The following ANKS1B variants were observed in gnomAD, a reference collection of about 807,000 sequenced individuals.
ANKS1B encodes the protein ankyrin repeat and sterile alpha motif domain-containing protein 1B.
ANKS1B carries 36 observed loss-of-function variants against 148.3 expected under a neutral mutation model. That is an observed-to-expected ratio of 0.24 (90% confidence interval 0.19 to 0.32). The LOEUF (loss-of-function observed/expected upper bound fraction) is 0.32. Among genes scored for constraint, ANKS1B ranks in the 10% least tolerant of loss-of-function variants. The pLI is 1.00. For synonymous variants in ANKS1B, 542 were observed against 560.8 expected (o/e 0.97, Z 0.47); for missense variants, 1,157 against 1,542.6 (o/e 0.75, Z 4.19).
At chr12:99,513,668 C>T (rs973214298) in intron 9 of ANKS1B, among the ~76,000 whole-genome samples, 2 of 151,912 alleles carry the variant, frequency 1.3e-5, no homozygotes, top group African/African-American at 4.8e-5. Flanking sequence ...TCTGTCATTC[C>T]CAATAAATCC....
chr12:98,966,534 C>T (rs2153179282), intron 17 of ANKS1B, among the ~76,000 whole-genome samples: 1 of 152,234 alleles, frequency 6.6e-6, no homozygotes, highest in East Asian at 1.9e-4. Context: ...TTTGACCCAG[C>T]CATCACATTA....
chr12:99,664,054 A>G (rs1253614826), intron 8 of ANKS1B, among the ~76,000 whole-genome samples: 2 of 152,256 alleles, frequency 1.3e-5, no homozygotes, highest in African/African-American at 4.8e-5. Context: ...TATTATTTCA[A>G]TATTAGAAAG....
chr12:98,859,889 T>C (rs1243450471), intron 17 of ANKS1B, among the ~76,000 whole-genome samples: 3 of 152,070 alleles, frequency 2.0e-5, no homozygotes, highest in African/African-American at 7.2e-5. Context: ...TGCGAAAAAA[T>C]TTTCACATCC....
At chr12:99,720,824 T>A (rs1042430114) in intron 8 of ANKS1B, among the ~76,000 whole-genome samples, 1 of 152,206 alleles carries the variant, frequency 6.6e-6, no homozygotes, top group Non-Finnish European at 1.5e-5. Flanking sequence ...TACTCATACA[T>A]GCCCTGCTCT....
At chr12:98,759,536 A>G (rs1328130000) in intron 25 of ANKS1B, among the ~76,000 whole-genome samples, 1 of 152,178 alleles carries the variant, frequency 6.6e-6, no homozygotes, top group African/African-American at 2.4e-5. Context: ...ATGGTGGGCA[A>G]TCTGTCCCCT....
At chr12:99,967,447 C>G (rs988270977) in intron 1 of ANKS1B, among the ~76,000 whole-genome samples, 1 of 152,212 alleles carries the variant, frequency 6.6e-6, no homozygotes, top group South Asian at 2.1e-4. Context: ...GAGATTGGGT[C>G]TTGCTCTGTT....
At chr12:98,821,100 G>A (rs1412056175) in intron 19 of ANKS1B, among the ~76,000 whole-genome samples, 2 of 152,144 alleles carry the variant, frequency 1.3e-5, no homozygotes, top group Non-Finnish European at 2.9e-5. Flanking sequence ...CTCACTCTAG[G>A]AAGAGAAAAC....
chr12:99,128,035 A>C (rs547351287), intron 15 of ANKS1B, among the ~76,000 whole-genome samples: 1 of 152,342 alleles, frequency 6.6e-6, no homozygotes, highest in African/African-American at 2.4e-5. Flanking sequence ...GACCTTGGGC[A>C]AGTTGTTTAA....
chr12:98,829,919 T>C lies in ANKS1B; in HGVS notation c.2887-566A>G, dbSNP rs916040135. ...CAAGGGAAACGGGTCAGGAGGAAGA[T>C]AGGGGGCATAGACAGCTCAGCTCTA... On this transcript the variant is annotated intron_variant, in intron 18 of 26. Transcript: ENST00000683438. This position sits in a 1 kb window ranked among gnomAD's most constrained non-coding sequence, Gnocchi z 5.2. Among the ~76,000 whole-genome samples, 6 of 152,090 alleles carry C rather than the reference T, an allele frequency of 3.9e-5. No homozygotes were observed. Among genetic ancestry groups the C allele is most frequent in the Non-Finnish European group, 8.8e-5 (6 of 68,002 alleles).
chr12:99,368,857 G>T (rs536149197), intron 12 of ANKS1B, among the ~76,000 whole-genome samples: 2 of 151,944 alleles, frequency 1.3e-5, no homozygotes, highest in African/African-American at 4.8e-5. Context: ...AAAAGCTGTC[G>T]CCAATACCCA....
At chr12:99,657,935 TC>T (rs2098458254) in intron 8 of ANKS1B, among the ~76,000 whole-genome samples, 1 of 148,830 alleles carries the variant, frequency 6.7e-6, no homozygotes, top group Non-Finnish European at 1.5e-5. Flanking sequence ...TTATCTCTCT[TC>T]CCTGCTCATA....
chr12:99,768,092 A>G (rs912917123), intron 8 of ANKS1B, among the ~76,000 whole-genome samples: 4 of 152,192 alleles, frequency 2.6e-5, no homozygotes, highest in Non-Finnish European at 4.4e-5. Context: ...CACATCATTA[A>G]TATGTAAAAC....
intron 10 of ANKS1B, among the ~76,000 whole-genome samples, chr12:99,447,927 C>T (rs1037906219): frequency 2.9e-4 from 44 of 151,930 alleles, no homozygotes; most frequent in Admixed American, 1.8e-3. Context: ...GGGAAAATGG[C>T]TTTTATAAAA....
At chr12:99,235,375 G>A (rs924124619) in intron 14 of ANKS1B, among the ~76,000 whole-genome samples, 1 of 152,092 alleles carries the variant, frequency 6.6e-6, no homozygotes, top group Non-Finnish European at 1.5e-5. Context: ...CTCCTAGCTT[G>A]AATATCCTCA....
At chr12:99,501,391 C>A (rs908270964) in intron 10 of ANKS1B, among the ~76,000 whole-genome samples, 2 of 152,162 alleles carry the variant, frequency 1.3e-5, no homozygotes, top group African/African-American at 4.8e-5. Flanking sequence ...AGAGGGATTA[C>A]ATTTGCTTCC....
intron 14 of ANKS1B, among the ~76,000 whole-genome samples, chr12:99,179,150 C>A (rs114864955): frequency 6.6e-6 from 1 of 151,968 alleles, no homozygotes. Context: ...TAGTTGAGGC[C>A]GGGCGCGGTG....
At chr12:99,285,340 A>G (rs1000520134) in intron 12 of ANKS1B, among the ~76,000 whole-genome samples, 1 of 152,202 alleles carries the variant, frequency 6.6e-6, no homozygotes, top group African/African-American at 2.4e-5. Flanking sequence ...TGGATATAGC[A>G]TAATTTATTT....
chr12:99,288,070 T>C (rs888926173), intron 12 of ANKS1B, among the ~76,000 whole-genome samples: 4 of 152,126 alleles, frequency 2.6e-5, no homozygotes, highest in African/African-American at 7.2e-5. Context: ...GAAGGTTCTA[T>C]AACACCAAGC....
At chr12:99,357,883 T>G (rs2092154088) in intron 12 of ANKS1B, among the ~76,000 whole-genome samples, 1 of 152,156 alleles carries the variant, frequency 6.6e-6, no homozygotes, top group African/African-American at 2.4e-5. Context: ...CTCTTAGACA[T>G]TAGATATTAC....
Sources: gnomAD v4.1 joint callset for allele counts (sites outside exome capture counted in the v4.1 genomes callset) on GRCh38, gnomAD v4.1.1 for gene constraint, Gnocchi (gnomAD v3.1) non-coding constraint, MANE v1.5 for transcripts, NCBI Gene and HGNC (gene_info 2026-07-23, HGNC 2026-07-21) for gene names.